The following FOSL2 variants were observed in gnomAD, a reference collection of about 807,000 sequenced individuals.
FOSL2 encodes the protein FOS like 2, AP-1 transcription factor subunit.
Under a neutral mutation model 27.7 loss-of-function variants are expected in FOSL2, and 3 were observed. That is an observed-to-expected ratio of 0.11 (90% CI 0.05 to 0.28). The LOEUF is 0.28. Ranked by LOEUF, FOSL2 falls within the 10% of genes least tolerant of loss-of-function variation. The probability of loss-of-function intolerance (pLI) is 1.00; values close to 1 mark genes in which losing one functional copy is unlikely to be tolerated. For missense variants in FOSL2, 333 were observed against 445.1 expected (o/e 0.75, Z 2.27); for synonymous variants, 179 against 190.1 (o/e 0.94, Z 0.48).
rs1664260442 is a variant in FOSL2 at position 28,413,926 on chromosome 2, G to C, written c.*1478G>C. ...TGCAGGAGAGCTGCCCCCTTTCACGGGGTTGGGGAAGGGTCCCCCTGGCCT... is the reference window on the plus strand; with the variant it reads ...TGCAGGAGAGCTGCCCCCTTTCACGCGGTTGGGGAAGGGTCCCCCTGGCCT... On this transcript the variant is annotated 3_prime_UTR_variant, in exon 4 of 4. Coordinates refer to ENST00000264716, the MANE Select transcript of FOSL2 (RefSeq NM_005253.4). The C allele has an allele frequency of 2.5e-6, 1 of 397,940 alleles. No individual in the cohort carries two copies. The highest frequency in any genetic ancestry group is 4.4e-6 in the Non-Finnish European group (1 of 226,070). 24.7% of individuals were successfully genotyped at this position (397,940 alleles called of 1,614,324 possible). A position where few individuals can be genotyped will look rare whatever the true frequency, so the allele number is the denominator to read the frequency against.
At chr2:28,399,489 T>C (rs1663927820) in intron 1 of FOSL2, among the ~76,000 whole-genome samples, 1 of 152,160 alleles carries the variant, frequency 6.6e-6, no homozygotes, top group African/African-American at 2.4e-5. Context: ...TTCGGCCGTC[T>C]TTCTCATTGG....
At chr2:28,399,686 G>A (rs1006012122) in intron 1 of FOSL2, among the ~76,000 whole-genome samples, 15 of 152,300 alleles carry the variant, frequency 9.8e-5, no homozygotes, top group African/African-American at 3.6e-4. Flanking sequence ...TGGGTTGGAG[G>A]AACATCTCAG....
Position 28,401,948 on chromosome 2 carries a change from G to T in FOSL2, c.103-2159G>T, listed in dbSNP as rs538069095. Among the ~76,000 whole-genome samples, 3 of 151,936 alleles carry T rather than the reference G, an allele frequency of 2.0e-5. No homozygotes were observed. In the East Asian group the frequency reaches 5.8e-4, roughly 30 times the overall value. On this transcript the variant is annotated intron_variant, in intron 1 of 3. Transcript: ENST00000264716. ...CAGCTCTCCTCCTGAATCTCAGAAT[G>T]ATGCATTGCACCGGATAACTTTTCT...
At chr2:28,406,859 T>C (rs1664094109) in intron 2 of FOSL2, among the ~76,000 whole-genome samples, 1 of 152,224 alleles carries the variant, frequency 6.6e-6, no homozygotes, top group Non-Finnish European at 1.5e-5. Flanking sequence ...GCCGGCCTGG[T>C]GCCTCATAGG....
At position 28,413,462 on chromosome 2, in the gene FOSL2, G is replaced by C; in HGVS notation, c.*1014G>C. Reference sequence around the variant, plus strand: ...GCCTTTCCCCCACCCTGGCTCTCAGGGTGACGCCACCCACAGAGATTTAAT... The same window carrying C: ...GCCTTTCCCCCACCCTGGCTCTCAGCGTGACGCCACCCACAGAGATTTAAT... On this transcript the variant is annotated 3_prime_UTR_variant, in exon 4 of 4. Transcript: ENST00000264716. 1 of 398,662 alleles carries C rather than the reference G, an allele frequency of 2.5e-6. No individual in the cohort carries two copies. Among genetic ancestry groups the C allele is most frequent in the East Asian group, 3.6e-5 (1 of 28,056 alleles). 24.7% of individuals were successfully genotyped at this position (398,662 alleles called of 1,614,324 possible).
intron 1 of FOSL2, chr2:28,395,492 G>A (rs970854611): frequency 6.6e-6 from 1 of 152,236 alleles, no homozygotes; most frequent in African/African-American, 2.4e-5. Context: ...AATAATCTGT[G>A]TCACTAGGGC....
At chr2:28,396,886 C>G (rs930532910) in intron 1 of FOSL2, 1 of 150,874 alleles carries the variant, frequency 6.6e-6, no homozygotes, top group South Asian at 2.1e-4. Context: ...CTGGGACATT[C>G]CTCACATCAA....
chr2:28,415,693 A>C lies in FOSL2; in HGVS notation c.*3245A>C, dbSNP rs1228869309. On this transcript the variant is annotated 3_prime_UTR_variant, in exon 4 of 4. Coordinates refer to ENST00000264716, the MANE Select transcript of FOSL2 (RefSeq NM_005253.4). ...CCCCCTTTAGGAAGGAAAAGAATAC[A>C]CCTACGATGTGCCAGGCACTGTGTT... The C allele has an allele frequency of 6.6e-6, 1 of 152,172 alleles. No individual in the cohort carries two copies. The highest frequency in any genetic ancestry group is 2.4e-5 in the African/African-American group (1 of 41,434). 9.4% of individuals were successfully genotyped at this position (152,172 alleles called of 1,614,324 possible).
Position 28,393,542 on chromosome 2 carries a change from C to G in FOSL2, c.-179C>G. ...TAAGGGACGCTCGGGGGACGCTGTTCCTGAGGTGTCGCCGCCTCCCTGTCC... is the reference window on the plus strand; with the variant it reads ...TAAGGGACGCTCGGGGGACGCTGTTGCTGAGGTGTCGCCGCCTCCCTGTCC... On this transcript the variant is annotated 5_prime_UTR_variant, in exon 1 of 4. Coordinates refer to ENST00000264716, the MANE Select transcript of FOSL2 (RefSeq NM_005253.4). This position sits in a 1 kb window ranked among gnomAD's most constrained non-coding sequence, Gnocchi z 4.6. 1 of 574,732 alleles carries G rather than the reference C, an allele frequency of 1.7e-6. No individual in the cohort carries two copies. The highest frequency in any genetic ancestry group is 2.1e-5 in the South Asian group (1 of 46,590). The allele number at this position is 574,732 out of a possible 1,614,324, so 35.6% of individuals were successfully genotyped here. A position where few individuals can be genotyped will look rare whatever the true frequency, so the allele number is the denominator to read the frequency against.
chr2:28,394,235 C>T (rs1433690509), intron 1 of FOSL2, among the ~76,000 whole-genome samples: 2 of 149,908 alleles, frequency 1.3e-5, no homozygotes, highest in Admixed American at 6.7e-5. Flanking sequence ...TCCTGGGACC[C>T]TATTCCTTCA....
At chr2:28,400,279 T>A (rs1309712611) in intron 1 of FOSL2, among the ~76,000 whole-genome samples, 1 of 152,212 alleles carries the variant, frequency 6.6e-6, no homozygotes, top group Non-Finnish European at 1.5e-5. Flanking sequence ...TTGTGTTTAG[T>A]GTTAACTCGT....
intron 1 of FOSL2, among the ~76,000 whole-genome samples, chr2:28,396,030 G>A (rs868324283): frequency 1.3e-5 from 2 of 152,034 alleles, no homozygotes; most frequent in African/African-American, 2.4e-5. Flanking sequence ...ATTTCTCTCC[G>A]CTTCCTGTAC....
At chr2:28,409,803 C>T (rs772628414) in intron 3 of FOSL2, among the ~76,000 whole-genome samples, 3 of 152,128 alleles carry the variant, frequency 2.0e-5, no homozygotes, top group East Asian at 1.9e-4. Flanking sequence ...TGCAGTGGGA[C>T]GATCTCAGCT....
rs909048148 is a variant in FOSL2, at chr2:28,393,103, C to T, written c.-618C>T. ...CTACTTGAGCCCCACGAGCCGCTGTCCCCCTGGCGCGCTCGGGGCCGCGGG... is the reference window on the plus strand; with the variant it reads ...CTACTTGAGCCCCACGAGCCGCTGTTCCCCTGGCGCGCTCGGGGCCGCGGG... On this transcript the variant is annotated 5_prime_UTR_variant, in exon 1 of 4. Transcript: ENST00000264716. The surrounding 1 kb of genome is among the most constrained non-coding windows in gnomAD (Gnocchi z 4.6). 2.3e-5 allele frequency: 9 copies of T among 387,232 alleles called. No homozygotes were observed. The highest frequency in any genetic ancestry group is 1.4e-4 in the Admixed American group (3 of 20,972). The allele number at this position is 387,232 out of a possible 1,614,324, so 24.0% of individuals were successfully genotyped here. A position where few individuals can be genotyped will look rare whatever the true frequency, so the allele number is the denominator to read the frequency against.
intron 2 of FOSL2, among the ~76,000 whole-genome samples, chr2:28,406,889 C>G (rs926869529): frequency 2.0e-4 from 30 of 152,334 alleles, no homozygotes; most frequent in African/African-American, 7.2e-4. Context: ...GGGAGGTTCC[C>G]TCTGTGCCCT....
At position 28,393,573 on chromosome 2, in the gene FOSL2, C is replaced by G. The variant is rs1572480296; in HGVS notation, c.-148C>G. On this transcript the variant is annotated 5_prime_UTR_variant, in exon 1 of 4. Transcript: ENST00000264716. The surrounding 1 kb of genome is among the most constrained non-coding windows in gnomAD (Gnocchi z 4.6). ...GTGTCGCCGCCTCCCTGTCCTCGCC[C>G]TCCGCGGTGGGGGAGAAACCCAGGA... The G allele has an allele frequency of 5.0e-6, 3 of 604,318 alleles. No homozygotes were observed. The East Asian group carries it at 9.5e-5, about 19-fold the overall frequency. The allele number at this position is 604,318 out of a possible 1,614,324, so 37.4% of individuals were successfully genotyped here.
At chr2:28,398,384 C>CT (rs1380216467) in intron 1 of FOSL2, among the ~76,000 whole-genome samples, 1 of 152,254 alleles carries the variant, frequency 6.6e-6, no homozygotes, top group East Asian at 1.9e-4. Context: ...GGCAGTGAGA[C>CT]TTTCCTAGGC....
chr2:28,397,911 T>C (rs1663887603), intron 1 of FOSL2, among the ~76,000 whole-genome samples: 1 of 152,240 alleles, frequency 6.6e-6, no homozygotes, highest in African/African-American at 2.4e-5. Flanking sequence ...CAAAAGCCTC[T>C]TTGGAGCCGA....
chr2:28,401,553 T>C (rs1394632182), intron 1 of FOSL2, among the ~76,000 whole-genome samples: 2 of 152,150 alleles, frequency 1.3e-5, no homozygotes, highest in Non-Finnish European at 1.5e-5. Context: ...GAGTGCAGTG[T>C]TGACTCCCCG....
Sources: allele counts gnomAD v4.1 joint callset (sites outside exome capture counted in the v4.1 genomes callset), GRCh38; gene constraint gnomAD v4.1.1; non-coding constraint Gnocchi (gnomAD v3.1); transcripts MANE v1.5; gene names NCBI Gene and HGNC (gene_info 2026-07-23, HGNC 2026-07-21).